Variants in CDIN1 observed in about 807,000 individuals in gnomAD.
CDIN1 encodes the protein CDAN1 interacting nuclease 1, also known as CDAN1-interacting nuclease 1.
In CDIN1, 33 loss-of-function variants were observed where a neutral mutation model predicts 45.3. The observed-to-expected ratio is 0.73, with a 90% CI of 0.55 to 0.97. The LOEUF (loss-of-function observed/expected upper bound fraction) is 0.97, where lower values mean the gene tolerates loss of function less well. CDIN1 is among the 50% of genes least tolerant of loss of function. The pLI is 0.00. For missense variants in CDIN1, 303 were observed against 339.4 expected, an observed-to-expected ratio of 0.89 and a Z score of 0.84; for synonymous variants, 118 against 124.4, an observed-to-expected ratio of 0.95 and a Z score of 0.34.
rs1412648730 is a variant in CDIN1, at chr15:36,647,202, A to G, written c.212+1915A>G. On this transcript the variant is annotated intron_variant, in intron 3 of 10. Transcript: ENST00000566621. ...CCATGGCCAGCTAATTAAAAAAAAA[A>G]GTTTATAGAGACAGGGTCTTGCTAC... Among the ~76,000 whole-genome samples the G allele has an allele frequency of 2.0e-5, 3 of 151,318 alleles. No homozygotes were observed. In the East Asian group the frequency reaches 5.8e-4, roughly 29 times the overall value.
intron 1 of CDIN1, among the ~76,000 whole-genome samples, chr15:36,624,776 C>T (rs2039344166): frequency 6.6e-6 from 1 of 151,946 alleles, no homozygotes; most frequent in Admixed American, 6.6e-5. Flanking sequence ...TTTAATATAA[C>T]TGAGAATTTA....
chr15:36,732,168 G>A (rs2043855415), intron 10 of CDIN1, among the ~76,000 whole-genome samples: 1 of 152,130 alleles, frequency 6.6e-6, no homozygotes, highest in Admixed American at 6.6e-5. Flanking sequence ...AATTTGAGAA[G>A]TTTGGCAGGT....
chr15:36,807,574 G>A (rs1299757142), intron 10 of CDIN1, among the ~76,000 whole-genome samples: 2 of 152,134 alleles, frequency 1.3e-5, no homozygotes, highest in African/African-American at 4.8e-5. Context: ...TCTGCCTGGC[G>A]GGGATCAGTC....
intron 8 of CDIN1, among the ~76,000 whole-genome samples, chr15:36,700,561 T>A (rs570318841): frequency 6.6e-6 from 1 of 151,562 alleles, no homozygotes; most frequent in Non-Finnish European, 1.5e-5. Context: ...ATTCATTTGT[T>A]CTTTCTCACC....
chr15:36,756,218 TC>T (rs2053605497), intron 10 of CDIN1: 1 of 440,588 alleles, frequency 2.3e-6, no homozygotes, highest in African/African-American at 2.0e-5. Context: ...CAGCCCACAA[TC>T]TTGTTTTAAA....
intron 10 of CDIN1, among the ~76,000 whole-genome samples, chr15:36,714,610 G>T (rs1294448994): frequency 1.3e-5 from 2 of 152,100 alleles, no homozygotes; most frequent in African/African-American, 2.4e-5. Context: ...TCCAGGCTCC[G>T]TGTGTCAGTG....
chr15:36,612,621 C>G (rs1349546784), intron 1 of CDIN1, among the ~76,000 whole-genome samples: 1 of 152,094 alleles, frequency 6.6e-6, no homozygotes, highest in Non-Finnish European at 1.5e-5. Context: ...AGTCACGTAG[C>G]CTTTTAGTAA....
chr15:36,751,831 G>A (rs2053480645), intron 10 of CDIN1, among the ~76,000 whole-genome samples: 3 of 152,184 alleles, frequency 2.0e-5, no homozygotes, highest in Admixed American at 2.0e-4. Context: ...AAAGGAACAA[G>A]ATCATGTCCT....
intron 1 of CDIN1, among the ~76,000 whole-genome samples, chr15:36,605,181 C>T (rs1241903093): frequency 2.6e-5 from 4 of 152,090 alleles, no homozygotes; most frequent in Admixed American, 6.6e-5. Context: ...CGTGAAATCA[C>T]TATCATTGTC....
intron 1 of CDIN1, chr15:36,618,517 T>G: frequency 8.1e-7 from 1 of 1,233,590 alleles, no homozygotes; most frequent in Non-Finnish European, 1.2e-6. Flanking sequence ...AAAGTTTGAC[T>G]TACTAGCCTC....
At chr15:36,711,970 CCTCTT>C (rs964694385) in intron 10 of CDIN1, among the ~76,000 whole-genome samples, 1 of 152,122 alleles carries the variant, frequency 6.6e-6, no homozygotes, top group African/African-American at 2.4e-5. Flanking sequence ...ATGGGATCCT[CCTCTT>C]CTCGCATTTT....
chr15:36,580,010 T>C (rs1791802486), intron 1 of CDIN1, 49 bp downstream of exon 1: 8 of 1,538,950 alleles, frequency 5.2e-6, no homozygotes, highest in Middle Eastern at 3.4e-4. Flanking sequence ...GCAGCAGCAG[T>C]GCCTGGGCCG....
At chr15:36,771,398 A>AC (rs1385552704) in intron 10 of CDIN1, among the ~76,000 whole-genome samples, 2 of 152,172 alleles carry the variant, frequency 1.3e-5, no homozygotes, top group Admixed American at 6.5e-5. Flanking sequence ...TAATAATAAT[A>AC]ATACATACAC....
chr15:36,789,424 C>T (rs2054588963), intron 10 of CDIN1, among the ~76,000 whole-genome samples: 1 of 152,044 alleles, frequency 6.6e-6, no homozygotes, highest in African/African-American at 2.4e-5. Context: ...GGCATTGAGT[C>T]AATATATATA....
intron 1 of CDIN1, among the ~76,000 whole-genome samples, chr15:36,632,846 G>A (rs2039736580): frequency 6.6e-6 from 1 of 152,140 alleles, no homozygotes; most frequent in Non-Finnish European, 1.5e-5. Flanking sequence ...GAAGTTATTA[G>A]GTTTACTTCA....
In CDIN1 at chr15:36,683,194, G is replaced by A. The variant is rs530680931; in HGVS notation, c.347-8491G>A. Among the ~76,000 whole-genome samples the A allele has an allele frequency of 1.1e-4, 16 of 151,900 alleles. 1 individual carries two copies. The South Asian group carries it at 3.3e-3, about 32-fold the overall frequency. Reference sequence around the variant, plus strand: ...TGGTATTGCCTAGGTTTTCTTCTAGGGTTTTTATGGTTTTAGGTCTAACAT... The same window carrying A: ...TGGTATTGCCTAGGTTTTCTTCTAGAGTTTTTATGGTTTTAGGTCTAACAT... On this transcript the variant is annotated intron_variant, in intron 5 of 10. Transcript: ENST00000566621.
At chr15:36,619,384 A>G (rs2039045781) in intron 1 of CDIN1, 1 of 366,324 alleles carries the variant, frequency 2.7e-6, no homozygotes, top group Non-Finnish European at 5.0e-6. Context: ...GAGAAAGTAC[A>G]TCCTTAAATC....
chr15:36,600,153 G>A (rs191592995), intron 1 of CDIN1, among the ~76,000 whole-genome samples: 58 of 152,294 alleles, frequency 3.8e-4, no homozygotes, highest in East Asian at 2.7e-3. Context: ...TCTGTCCTAT[G>A]AATGAATTTA....
At chr15:36,762,738 C>T (rs1026196564) in intron 10 of CDIN1, among the ~76,000 whole-genome samples, 2 of 151,830 alleles carry the variant, frequency 1.3e-5, no homozygotes, top group African/African-American at 2.4e-5. Flanking sequence ...TGAGAACATG[C>T]GGTGTTTGGA....
Sources: gnomAD v4.1 joint callset for allele counts (sites outside exome capture counted in the v4.1 genomes callset) on GRCh38, gnomAD v4.1.1 for gene constraint, MANE v1.5 for transcripts, NCBI Gene and HGNC (gene_info 2026-07-23, HGNC 2026-07-21) for gene names.